Variants in MRE11 observed in about 807,000 individuals in gnomAD.
MRE11 encodes double-strand break repair protein MRE11.
In MRE11, 62 loss-of-function variants were observed where a neutral mutation model predicts 91.7. The ratio of observed to expected loss-of-function variants is 0.68; its 90% CI spans 0.55 to 0.84. The LOEUF is 0.84. Ranked by LOEUF, MRE11 falls within the 40% of genes least tolerant of loss-of-function variation. MRE11 has a pLI of 0.00. For synonymous variants in MRE11, 273 were observed against 271.4 expected (o/e 1.01, Z -0.06); for missense variants, 796 against 852.9 (o/e 0.93, Z 0.83).
At chr11:94,421,011 G>A (rs1411924099) in intron 19 of MRE11, among the ~76,000 whole-genome samples, 2 of 150,116 alleles carry the variant, frequency 1.3e-5, no homozygotes, top group East Asian at 2.0e-4. Flanking sequence ...CAGCCTCGGC[G>A]ACAGAGCGAG....
rs1408726909 is a variant in MRE11 at position 94,417,216 on chromosome 11, GA to G, written c.*2908del. 5.6e-6 allele frequency: 1 copy of G among 178,294 alleles called. No homozygotes were observed. Among genetic ancestry groups the G allele is most frequent in the African/African-American group, 2.4e-5 (1 of 42,330 alleles). The allele number at this position is 178,294 out of a possible 1,614,324, so 11.0% of individuals were successfully genotyped here. On this transcript the variant is annotated 3_prime_UTR_variant, in exon 20 of 20. Transcript: ENST00000323929. ...TGGTCTCAAACTCCTGACCTCAGGT[GA>G]ACCCCCTCCTCGGCCTCCCAAAGTG...
chr11:94,490,994 TA>T, intron 2 of MRE11, 29 bp from the exon 3 acceptor site: 1 of 1,219,122 alleles, frequency 8.2e-7, no homozygotes, highest in Non-Finnish European at 1.2e-6. Flanking sequence ...AACATTTCAA[TA>T]TATTAATAAT....
intron 7 of MRE11, chr11:94,475,501 G>A (rs16920521): frequency 0.014 from 5,896 of 434,084 alleles, 332 homozygotes; most frequent in African/African-American, 0.11. Context: ...CTTCTCCGGT[G>A]TGTCCCTCCC....
intron 17 of MRE11, among the ~76,000 whole-genome samples, chr11:94,436,519 A>G (rs944834779): frequency 3.9e-5 from 6 of 152,224 alleles, no homozygotes; most frequent in Non-Finnish European, 8.8e-5. Context: ...ATGCTGTTAA[A>G]TATCCTACAA....
Position 94,493,813 on chromosome 11 carries a change from A to C in MRE11, c.-128T>G, listed in dbSNP as rs932149966. The C allele has an allele frequency of 6.6e-6, 1 of 152,262 alleles. No individual in the cohort carries two copies. The highest frequency in any genetic ancestry group is 1.5e-5 in the Non-Finnish European group (1 of 68,074). 9.4% of individuals were successfully genotyped at this position (152,262 alleles called of 1,614,324 possible). The stretch of plus-strand genomic sequence containing the variant: ...TGCCTCTGAGAACCCGCAGGGCCGT[A>C]AACCTGAATTCCGCGGGAGAGAACG... On this transcript the variant is annotated 5_prime_UTR_variant, in exon 1 of 20. Coordinates refer to ENST00000323929, the MANE Select transcript of MRE11 (RefSeq NM_005591.4).
chr11:94,498,152 C>T (rs374058506), upstream of MRE11: 34 of 1,614,014 alleles, frequency 2.1e-5, no homozygotes, highest in African/African-American at 5.3e-5. Context: ...CCCTCTTCAT[C>T]GAGCAGCCTA....
chr11:94,423,881 G>T lies in MRE11; in HGVS notation c.2071-3700C>A, dbSNP rs966874472. Among the ~76,000 whole-genome samples, 28 of 152,218 alleles carry T rather than the reference G, an allele frequency of 1.8e-4. 1 individual carries two copies. The highest frequency in any genetic ancestry group is 6.0e-4 in the African/African-American group (25 of 41,458). Reference sequence around the variant, plus strand: ...AAGTAGGGGAGAAATCCCACTTTCAGAACACTGAAAGGAGTGAGACACGTG... The same window carrying T: ...AAGTAGGGGAGAAATCCCACTTTCATAACACTGAAAGGAGTGAGACACGTG... On this transcript the variant is annotated intron_variant, in intron 19 of 19. Coordinates refer to ENST00000323929, the MANE Select transcript of MRE11 (RefSeq NM_005591.4).
At chr11:94,445,591 A>C (rs1190004208) in intron 16 of MRE11, 2 of 473,842 alleles carry the variant, frequency 4.2e-6, no homozygotes, top group East Asian at 4.0e-5. Flanking sequence ...TACAGGTGTG[A>C]TCCACTGTGC....
chr11:94,434,701 T>C lies in MRE11; in HGVS notation c.1994+1131A>G, dbSNP rs569571561. Among the ~76,000 whole-genome samples the C allele has an allele frequency of 1.4e-3, 206 of 152,286 alleles. 1 individual carries two copies. Among genetic ancestry groups the C allele is most frequent in the African/African-American group, 4.8e-3 (200 of 41,560 alleles). On this transcript the variant is annotated intron_variant, in intron 18 of 19. Transcript: ENST00000323929. ...AGCTGCTTCTTCTAGCCCACATTCC[T>C]TGTTCCTTTTTTCACCAGCCCATAA... is the stretch of plus-strand genomic sequence containing the variant.
chr11:94,420,251 T>A (rs189056920), intron 19 of MRE11, 70 bp from the exon 20 acceptor site: 11 of 1,268,400 alleles, frequency 8.7e-6, no homozygotes, highest in African/African-American at 1.5e-5. Context: ...GAAGTTCTTA[T>A]GGGCAAAACA....
At chr11:94,486,341 A>AT (rs1341605059) in intron 3 of MRE11, among the ~76,000 whole-genome samples, 1 of 152,192 alleles carries the variant, frequency 6.6e-6, no homozygotes, top group Non-Finnish European at 1.5e-5. Flanking sequence ...AGGTGATCAT[A>AT]TTTTTTCTAT....
At chr11:94,504,580 T>C in the MRE11 span, among the ~76,000 whole-genome samples, 1 of 152,216 alleles carries the variant, frequency 6.6e-6, no homozygotes, top group Admixed American at 6.5e-5. Context: ...TTGGTTGGCT[T>C]TTAATTTAAA....
At chr11:94,430,748 G>A (rs778112885) in intron 18 of MRE11, among the ~76,000 whole-genome samples, 5 of 152,068 alleles carry the variant, frequency 3.3e-5, no homozygotes, top group South Asian at 4.1e-4. Flanking sequence ...GATTACAGGC[G>A]TGAGCCACCA....
At chr11:94,440,527 AAGCAG>A (rs1193283821) in intron 16 of MRE11, among the ~76,000 whole-genome samples, 20 of 152,220 alleles carry the variant, frequency 1.3e-4, no homozygotes, top group African/African-American at 4.8e-4. Context: ...TCAGAGAGGT[AAGCAG>A]AGTCCTTTCC....
chr11:94,502,007 A>G, the MRE11 span, among the ~76,000 whole-genome samples: 7 of 152,174 alleles, frequency 4.6e-5, no homozygotes, highest in African/African-American at 1.7e-4. Context: ...GATCTTCATG[A>G]AAGTTCTTAT....
chr11:94,468,364 G>A (rs1257188565), intron 9 of MRE11, among the ~76,000 whole-genome samples: 1 of 152,176 alleles, frequency 6.6e-6, no homozygotes, highest in Non-Finnish European at 1.5e-5. Context: ...GAGAGGATAA[G>A]ATTATAACAT....
At chr11:94,457,385 A>G (rs1191304100) in intron 13 of MRE11, among the ~76,000 whole-genome samples, 4 of 152,228 alleles carry the variant, frequency 2.6e-5, no homozygotes, top group Admixed American at 2.6e-4. Context: ...CTTTGAAGCG[A>G]TTCTGCTCTA....
rs529015259 is a variant in MRE11, at chr11:94,451,134, T to G, written c.1564-3696A>C. ...ACTCCGTCTATATAAAAAAAAAAAT[T>G]AAAAATTAGCTGGGAGTGGTAGCAC... is the stretch of plus-strand genomic sequence containing the variant. On this transcript the variant is annotated intron_variant, in intron 14 of 19. Coordinates refer to ENST00000323929, the MANE Select transcript of MRE11 (RefSeq NM_005591.4). Among the ~76,000 whole-genome samples the G allele has an allele frequency of 1.4e-3, 205 of 150,664 alleles. 1 individual carries two copies. The highest frequency in any genetic ancestry group is 5.0e-3 in the African/African-American group (204 of 41,036).
At chr11:94,509,280 T>G in the MRE11 span, among the ~76,000 whole-genome samples, 1 of 152,184 alleles carries the variant, frequency 6.6e-6, no homozygotes, top group South Asian at 2.1e-4. Flanking sequence ...CTTAATGTAT[T>G]TTTTTGGCTC....
Sources: allele counts gnomAD v4.1 joint callset (sites outside exome capture counted in the v4.1 genomes callset), GRCh38; gene constraint gnomAD v4.1.1; transcripts MANE v1.5; gene names NCBI Gene and HGNC (gene_info 2026-07-23, HGNC 2026-07-21).